The following VSNL1 variants were observed in gnomAD, a reference collection of about 807,000 sequenced individuals.
VSNL1 encodes the protein visinin like 1, also known as visinin-like protein 1.
A neutral mutation model predicts 20.4 loss-of-function variants in VSNL1; 6 were observed. The ratio of observed to expected loss-of-function variants is 0.29; its 90% confidence interval spans 0.16 to 0.58. VSNL1 has a LOEUF of 0.58. Ranked by LOEUF, VSNL1 falls within the 20% of genes least tolerant of loss-of-function variation. The pLI, the probability that VSNL1 is intolerant of heterozygous loss-of-function variation, is 0.90. For missense variants in VSNL1, 100 were observed against 234.5 expected, an observed-to-expected ratio of 0.43 and a Z score of 3.75; for synonymous variants, 93 against 86.4, an observed-to-expected ratio of 1.08 and a Z score of -0.42.
chr2:17,643,474 G>A (rs969546985), intron 2 of VSNL1, among the ~76,000 whole-genome samples: 1 of 152,074 alleles, frequency 6.6e-6, no homozygotes, highest in Non-Finnish European at 1.5e-5. Context: ...CTGGTCAGTG[G>A]GTAGATTTGC....
At chr2:17,588,866 A>G (rs1371666219) in intron 1 of VSNL1, among the ~76,000 whole-genome samples, 1 of 152,246 alleles carries the variant, frequency 6.6e-6, no homozygotes, top group Non-Finnish European at 1.5e-5. Context: ...GAAAAAAAAT[A>G]CCAAATATCT....
intron 1 of VSNL1, among the ~76,000 whole-genome samples, chr2:17,579,936 C>T (rs1262595813): frequency 6.6e-6 from 1 of 152,056 alleles, no homozygotes; most frequent in Non-Finnish European, 1.5e-5. Context: ...TCAGGAGAAC[C>T]CTGAGGTGAC....
intron 2 of VSNL1, among the ~76,000 whole-genome samples, chr2:17,629,196 G>T (rs963221813): frequency 6.6e-6 from 1 of 152,164 alleles, no homozygotes; most frequent in Non-Finnish European, 1.5e-5. Context: ...TAAGGCTCAG[G>T]GTTGTTTAGT....
intron 1 of VSNL1, among the ~76,000 whole-genome samples, chr2:17,591,102 T>C (rs915843007): frequency 3.0e-4 from 46 of 152,214 alleles, no homozygotes; most frequent in Admixed American, 2.6e-4. Flanking sequence ...TTTTTGGCCT[T>C]TGTTTACCTA....
intron 2 of VSNL1, among the ~76,000 whole-genome samples, chr2:17,615,141 C>G (rs1010230412): frequency 6.6e-6 from 1 of 152,134 alleles, no homozygotes; most frequent in South Asian, 2.1e-4. Context: ...TTGCAAAACC[C>G]TATATATTAA....
chr2:17,577,133 A>G (rs1664232902), intron 1 of VSNL1, among the ~76,000 whole-genome samples: 1 of 152,246 alleles, frequency 6.6e-6, no homozygotes, highest in Non-Finnish European at 1.5e-5. Flanking sequence ...CTAAACATGG[A>G]AAATGTACAG....
chr2:17,542,610 G>A (rs529620922), intron 1 of VSNL1, among the ~76,000 whole-genome samples: 1 of 152,252 alleles, frequency 6.6e-6, no homozygotes, highest in Admixed American at 6.5e-5. Context: ...ATACTGCCTT[G>A]TCTATTCCTT....
At chr2:17,629,681 C>G (rs1175884744) in intron 2 of VSNL1, among the ~76,000 whole-genome samples, 1 of 152,234 alleles carries the variant, frequency 6.6e-6, no homozygotes, top group African/African-American at 2.4e-5. Context: ...CCCAGGCCTG[C>G]TGGAGGCACC....
chr2:17,544,053 G>A (rs1338172459), intron 1 of VSNL1, among the ~76,000 whole-genome samples: 1 of 152,128 alleles, frequency 6.6e-6, no homozygotes, highest in Non-Finnish European at 1.5e-5. Flanking sequence ...CATGAAAAAA[G>A]CTGAGGCATT....
intron 1 of VSNL1, among the ~76,000 whole-genome samples, chr2:17,560,219 T>TAA (rs1663782177): frequency 6.7e-6 from 1 of 150,254 alleles, no homozygotes; most frequent in African/African-American, 2.4e-5. Context: ...CATATATATA[T>TAA]AATAATTATA....
intron 1 of VSNL1, among the ~76,000 whole-genome samples, chr2:17,562,869 T>C (rs745739428): frequency 2.0e-5 from 3 of 152,194 alleles, no homozygotes; most frequent in Non-Finnish European, 4.4e-5. Flanking sequence ...CCATTCCAAA[T>C]CCATGAAGGG....
chr2:17,637,979 C>A (rs1665793339), intron 2 of VSNL1, among the ~76,000 whole-genome samples: 1 of 152,150 alleles, frequency 6.6e-6, no homozygotes, highest in Non-Finnish European at 1.5e-5. Flanking sequence ...GCAACTTGGA[C>A]TATGGGGGTT....
intron 1 of VSNL1, among the ~76,000 whole-genome samples, chr2:17,545,743 A>G (rs1663392175): frequency 6.6e-6 from 1 of 152,168 alleles, no homozygotes; most frequent in Non-Finnish European, 1.5e-5. Context: ...TGAATGAAAC[A>G]GAAATGGAAT....
intron 2 of VSNL1, among the ~76,000 whole-genome samples, chr2:17,636,922 T>C (rs1665763260): frequency 6.6e-6 from 1 of 152,212 alleles, no homozygotes; most frequent in African/African-American, 2.4e-5. Context: ...AAGCCAGACC[T>C]GGAACAAGTA....
chr2:17,600,111 C>G (rs982907318), intron 2 of VSNL1, among the ~76,000 whole-genome samples: 1 of 152,228 alleles, frequency 6.6e-6, no homozygotes, highest in African/African-American at 2.4e-5. Flanking sequence ...AACCTGAATA[C>G]AGGTAAATGC....
At chr2:17,573,656 C>T (rs1664131504) in intron 1 of VSNL1, among the ~76,000 whole-genome samples, 1 of 152,102 alleles carries the variant, frequency 6.6e-6, no homozygotes, top group African/African-American at 2.4e-5. Context: ...GAGGTCCTGC[C>T]CATTGTATCC....
intron 2 of VSNL1, among the ~76,000 whole-genome samples, chr2:17,631,547 A>G (rs1330517868): frequency 6.6e-6 from 1 of 152,254 alleles, no homozygotes; most frequent in Non-Finnish European, 1.5e-5. Context: ...AGATTTGTGT[A>G]TTCCTTCACC....
At chr2:17,646,373 C>A (rs1231391251) in intron 2 of VSNL1, among the ~76,000 whole-genome samples, 1 of 152,192 alleles carries the variant, frequency 6.6e-6, no homozygotes, top group East Asian at 1.9e-4. Flanking sequence ...TTTATTTCCT[C>A]GGCTAACACT....
chr2:17,601,407 G>A (rs796951499), intron 2 of VSNL1, among the ~76,000 whole-genome samples: 9 of 152,196 alleles, frequency 5.9e-5, no homozygotes, highest in African/African-American at 2.2e-4. Flanking sequence ...AGGCCTAGGT[G>A]GGTGGATCAC....
Sources: allele counts gnomAD v4.1 joint callset (sites outside exome capture counted in the v4.1 genomes callset), GRCh38; gene constraint gnomAD v4.1.1; transcripts MANE v1.5; gene names NCBI Gene and HGNC (gene_info 2026-07-23, HGNC 2026-07-21).